The following CBLN2 variants were observed in gnomAD, a reference collection of about 807,000 sequenced individuals.
CBLN2 encodes cerebellin-2.
CBLN2 carries 7 observed loss-of-function variants against 15.0 expected under a neutral mutation model. The observed-to-expected ratio is 0.47, with a 90% CI of 0.27 to 0.88. The LOEUF is 0.88. CBLN2 is among the 40% of genes least tolerant of loss of function. The pLI is 0.14. For synonymous variants in CBLN2, 149 were observed against 135.2 expected (o/e 1.10, Z -0.71); for missense variants, 242 against 304.5 (o/e 0.79, Z 1.53).
chr18:72,615,279 T>TAA (rs2069653071), intron 1 of CBLN2, among the ~76,000 whole-genome samples: 1 of 14,420 alleles, frequency 6.9e-5, no homozygotes, highest in Non-Finnish European at 3.6e-4. Context: ...TATATATATA[T>TAA]ATATTTTTTT....
At chr18:72,538,455 C>T in intron 4 of CBLN2, 82 bp from the exon 5 acceptor site, 1 of 1,503,968 alleles carries the variant, frequency 6.6e-7, no homozygotes, top group Non-Finnish European at 9.2e-7. Context: ...AATATCCCCA[C>T]TCCCACCCCC....
At chr18:72,615,972 G>T (rs1307122586) in intron 1 of CBLN2, among the ~76,000 whole-genome samples, 1 of 152,070 alleles carries the variant, frequency 6.6e-6, no homozygotes, top group Non-Finnish European at 1.5e-5. Context: ...TCAATTCTAA[G>T]GACTCCTGTC....
chr18:72,582,974 G>C (rs2144920445), intron 1 of CBLN2, among the ~76,000 whole-genome samples: 2 of 152,242 alleles, frequency 1.3e-5, no homozygotes, highest in Admixed American at 1.3e-4. Flanking sequence ...GGGTCTTCTT[G>C]CACCCTCTGC....
chr18:72,599,667 G>T (rs1271109146), intron 1 of CBLN2, among the ~76,000 whole-genome samples: 1 of 152,158 alleles, frequency 6.6e-6, no homozygotes, highest in African/African-American at 2.4e-5. Flanking sequence ...GAAAGATCCA[G>T]TAGAGAAAAA....
At chr18:72,538,593 C>A (rs958553655) in intron 4 of CBLN2, 60 bp downstream of exon 4, 21 of 1,604,150 alleles carry the variant, frequency 1.3e-5, no homozygotes, top group Non-Finnish European at 1.8e-5. Context: ...GTGAAGGGGC[C>A]TTTAGCAATG....
intron 1 of CBLN2, among the ~76,000 whole-genome samples, chr18:72,614,846 A>G (rs1188242801): frequency 6.6e-6 from 1 of 151,630 alleles, no homozygotes; most frequent in Non-Finnish European, 1.5e-5. Flanking sequence ...AGGAAGATCT[A>G]TCTTTTCTGG....
chr18:72,579,970 T>C (rs2069392333), intron 1 of CBLN2, among the ~76,000 whole-genome samples: 1 of 151,910 alleles, frequency 6.6e-6, no homozygotes, highest in African/African-American at 2.4e-5. Context: ...ATAAAGTATT[T>C]TGAAATTTAA....
At chr18:72,551,374 C>G (rs1166072155) in intron 1 of CBLN2, among the ~76,000 whole-genome samples, 1 of 152,042 alleles carries the variant, frequency 6.6e-6, no homozygotes, top group Non-Finnish European at 1.5e-5. Flanking sequence ...CTAGACTGGT[C>G]TGGGAGATTC....
At chr18:72,562,903 C>G (rs1447112558) in intron 1 of CBLN2, among the ~76,000 whole-genome samples, 1 of 152,200 alleles carries the variant, frequency 6.6e-6, no homozygotes, top group East Asian at 1.9e-4. Context: ...TTTTAAACTA[C>G]AGGAAATTGA....
intron 3 of CBLN2, chr18:72,539,467 G>A (rs1176732812): frequency 6.6e-6 from 1 of 152,252 alleles, no homozygotes. Context: ...TTTTCCCTGA[G>A]CAATGTGCTG....
chr18:72,609,261 C>G (rs986134082), intron 1 of CBLN2, among the ~76,000 whole-genome samples: 1 of 152,098 alleles, frequency 6.6e-6, no homozygotes, highest in African/African-American at 2.4e-5. Context: ...GTATCTAAAT[C>G]CACAGTACCT....
At chr18:72,617,728 C>G (rs996087225) in intron 1 of CBLN2, among the ~76,000 whole-genome samples, 1 of 152,100 alleles carries the variant, frequency 6.6e-6, no homozygotes, top group African/African-American at 2.4e-5. Flanking sequence ...ACAGATAGCT[C>G]ACAATTATTT....
Position 72,543,641 on chromosome 18 carries a change from G to C in CBLN2, c.-211-111C>G. The stretch of plus-strand genomic sequence containing the variant: ...CGCCGCCCCGCCCTGCCGCTTTCCC[G>C]CGCCAGCCTGCGCCGCTTCAGGGGT... On this transcript the variant is annotated intron_variant, in intron 1 of 4. Coordinates refer to ENST00000269503, the MANE Select transcript of CBLN2 (RefSeq NM_182511.4). This position sits in a 1 kb window ranked among gnomAD's most constrained non-coding sequence, Gnocchi z 6.8. 7.9e-6 allele frequency: 3 copies of C among 380,434 alleles called. No individual in the cohort carries two copies. The highest frequency in any genetic ancestry group is 1.4e-5 in the Non-Finnish European group (3 of 214,590). 23.6% of individuals were successfully genotyped at this position (380,434 alleles called of 1,614,324 possible).
intron 1 of CBLN2, among the ~76,000 whole-genome samples, chr18:72,563,097 T>C (rs954886632): frequency 1.3e-5 from 2 of 152,334 alleles, no homozygotes; most frequent in African/African-American, 2.4e-5. Context: ...ACATACGCGA[T>C]GCTCTCTCAC....
intron 1 of CBLN2, among the ~76,000 whole-genome samples, chr18:72,565,330 A>G (rs534759665): frequency 1.3e-5 from 2 of 152,144 alleles, no homozygotes; most frequent in African/African-American, 4.8e-5. Context: ...TGTATAATAT[A>G]TTACAATATG....
chr18:72,578,410 G>A (rs553864862), intron 1 of CBLN2, among the ~76,000 whole-genome samples: 12 of 152,160 alleles, frequency 7.9e-5, no homozygotes, highest in Admixed American at 3.3e-4. Flanking sequence ...CACCACCACC[G>A]CAGAATAGTT....
At chr18:72,623,106 G>A (rs1227377440) in intron 1 of CBLN2, among the ~76,000 whole-genome samples, 1 of 152,060 alleles carries the variant, frequency 6.6e-6, no homozygotes, top group African/African-American at 2.4e-5. Flanking sequence ...CGAAGGGGGA[G>A]GTGCTACACA....
chr18:72,590,224 C>G (rs1033243785), intron 1 of CBLN2, among the ~76,000 whole-genome samples: 5 of 151,050 alleles, frequency 3.3e-5, no homozygotes, highest in Non-Finnish European at 7.4e-5. Flanking sequence ...GAGATGGCGC[C>G]ACTGCACTCC....
chr18:72,607,383 G>A (rs879755078), intron 1 of CBLN2, among the ~76,000 whole-genome samples: 3 of 152,134 alleles, frequency 2.0e-5, no homozygotes, highest in Non-Finnish European at 4.4e-5. Context: ...AAATGCACAT[G>A]TGTTCATTTC....
Sources: gnomAD v4.1 joint callset for allele counts (sites outside exome capture counted in the v4.1 genomes callset) on GRCh38, gnomAD v4.1.1 for gene constraint, Gnocchi (gnomAD v3.1) non-coding constraint, MANE v1.5 for transcripts, NCBI Gene and HGNC (gene_info 2026-07-23, HGNC 2026-07-21) for gene names.